Variants in SAMD12 observed in about 807,000 individuals in gnomAD.
SAMD12 encodes the protein sterile alpha motif domain-containing protein 12.
SAMD12 carries 9 observed loss-of-function variants against 15.0 expected under a neutral mutation model. That is an observed-to-expected ratio of 0.60 (90% CI 0.36 to 1.05). The LOEUF (loss-of-function observed/expected upper bound fraction) is 1.05. Among genes scored for constraint, SAMD12 ranks in the 50% least tolerant of loss-of-function variants. SAMD12 has a pLI of 0.01. For synonymous variants in SAMD12, 86 were observed against 90.1 expected (o/e 0.96, Z 0.25); for missense variants, 230 against 234.2 (o/e 0.98, Z 0.12).
At chr8:118,269,693 A>G (rs1172746186) in intron 4 of SAMD12, among the ~76,000 whole-genome samples, 1 of 152,160 alleles carries the variant, frequency 6.6e-6, no homozygotes, top group Non-Finnish European at 1.5e-5. Flanking sequence ...GTTTTATTCA[A>G]TCAGGTTTTT....
intron 2 of SAMD12, among the ~76,000 whole-genome samples, chr8:118,561,650 A>C (rs1826704378): frequency 6.6e-6 from 1 of 152,322 alleles, no homozygotes; most frequent in Non-Finnish European, 1.5e-5. Flanking sequence ...ATTCACTATC[A>C]CAAGAACAGC....
At chr8:118,341,521 T>C (rs193054427) in intron 4 of SAMD12, among the ~76,000 whole-genome samples, 12 of 152,332 alleles carry the variant, frequency 7.9e-5, no homozygotes, top group Admixed American at 7.8e-4. Context: ...CTGGGTAGTT[T>C]ATAAACCACA....
At chr8:118,364,522 T>C (rs981746455) in intron 4 of SAMD12, among the ~76,000 whole-genome samples, 2 of 152,142 alleles carry the variant, frequency 1.3e-5, no homozygotes, top group Admixed American at 1.3e-4. Context: ...AGATACTCCC[T>C]TGTGCTCTGA....
chr8:118,337,837 T>C (rs1277930716), intron 4 of SAMD12, among the ~76,000 whole-genome samples: 3 of 152,152 alleles, frequency 2.0e-5, no homozygotes, highest in Non-Finnish European at 4.4e-5. Flanking sequence ...TTAAGTGAAA[T>C]AGTGAAAGTT....
chr8:118,495,367 A>G (rs1012437865), intron 2 of SAMD12, among the ~76,000 whole-genome samples: 1 of 152,148 alleles, frequency 6.6e-6, no homozygotes, highest in Admixed American at 6.6e-5. Flanking sequence ...CTCCCAGTCT[A>G]AAAAACAGTT....
chr8:118,184,726 A>G (rs555259086), downstream of SAMD12, among the ~76,000 whole-genome samples: 10 of 152,138 alleles, frequency 6.6e-5, 1 homozygote, highest in African/African-American at 2.4e-4. Context: ...TGAACTCCTG[A>G]CCTCAGGTGA....
chr8:118,330,561 G>T (rs1393492755), intron 4 of SAMD12, among the ~76,000 whole-genome samples: 1 of 152,134 alleles, frequency 6.6e-6, no homozygotes, highest in East Asian at 1.9e-4. Flanking sequence ...GGAAGAGACT[G>T]ATCACAAGAG....
chr8:118,298,244 G>A (rs1334359896), intron 4 of SAMD12, among the ~76,000 whole-genome samples: 1 of 152,134 alleles, frequency 6.6e-6, no homozygotes, highest in Non-Finnish European at 1.5e-5. Context: ...GCTCAAAAAT[G>A]CACTTCTTAT....
chr8:118,312,301 C>G (rs1380676061), intron 4 of SAMD12, among the ~76,000 whole-genome samples: 2 of 152,156 alleles, frequency 1.3e-5, no homozygotes, highest in African/African-American at 4.8e-5. Flanking sequence ...GACTGCTGCT[C>G]TACACTATGC....
intron 2 of SAMD12, among the ~76,000 whole-genome samples, chr8:118,482,318 T>C (rs554855739): frequency 2.0e-5 from 3 of 152,328 alleles, no homozygotes; most frequent in South Asian, 4.1e-4. Flanking sequence ...AAAATCATCT[T>C]AACTTGTCCC....
At chr8:118,583,015 A>G (rs573188976) in intron 1 of SAMD12, among the ~76,000 whole-genome samples, 3 of 152,236 alleles carry the variant, frequency 2.0e-5, no homozygotes, top group African/African-American at 7.2e-5. Context: ...TTGAAGCAGA[A>G]AGGGCTTGGT....
intron 3 of SAMD12, among the ~76,000 whole-genome samples, chr8:118,412,927 A>T (rs1052628109): frequency 1.4e-4 from 21 of 152,148 alleles, no homozygotes; most frequent in African/African-American, 4.8e-4. Flanking sequence ...GCTTTGGCCA[A>T]TGGAATGCTA....
At chr8:118,459,625 G>T (rs183221028) in intron 2 of SAMD12, among the ~76,000 whole-genome samples, 1 of 152,226 alleles carries the variant, frequency 6.6e-6, no homozygotes, top group East Asian at 1.9e-4. Flanking sequence ...TTTGGGGTCA[G>T]GTACATGCAA....
chr8:118,410,866 T>C (rs929103351), intron 3 of SAMD12, among the ~76,000 whole-genome samples: 1 of 152,168 alleles, frequency 6.6e-6, no homozygotes, highest in African/African-American at 2.4e-5. Flanking sequence ...ATAAATAACT[T>C]TGACAGAATT....
At chr8:118,476,358 A>G (rs112613037) in intron 2 of SAMD12, among the ~76,000 whole-genome samples, 3,354 of 152,294 alleles carry the variant, frequency 0.022, 116 homozygotes, top group African/African-American at 0.077. Context: ...TGTGGGCAGC[A>G]TCTGGGTTTT....
intron 4 of SAMD12, among the ~76,000 whole-genome samples, chr8:118,264,387 G>A (rs1813152225): frequency 6.6e-6 from 1 of 152,114 alleles, no homozygotes; most frequent in Non-Finnish European, 1.5e-5. Context: ...AGGTACTGGA[G>A]TAGTGTTTTT....
intron 4 of SAMD12, among the ~76,000 whole-genome samples, chr8:118,320,361 G>T (rs1470243889): frequency 6.6e-6 from 1 of 151,984 alleles, no homozygotes; most frequent in Non-Finnish European, 1.5e-5. Context: ...ATATAGAAAG[G>T]GTTAAGGGAA....
intron 2 of SAMD12, among the ~76,000 whole-genome samples, chr8:118,478,674 T>G (rs1295667991): frequency 6.6e-6 from 1 of 152,212 alleles, no homozygotes; most frequent in East Asian, 1.9e-4. Context: ...GACTCTCTGC[T>G]ATTCACCACC....
the SAMD12 span, among the ~76,000 whole-genome samples, chr8:118,180,924 C>G: frequency 1.3e-5 from 2 of 152,154 alleles, no homozygotes; most frequent in Admixed American, 1.3e-4. Flanking sequence ...CTAGAGCCTC[C>G]GCTGTCAGCC....
Sources: gnomAD v4.1 joint callset for allele counts (sites outside exome capture counted in the v4.1 genomes callset) on GRCh38, gnomAD v4.1.1 for gene constraint, MANE v1.5 for transcripts, NCBI Gene and HGNC (gene_info 2026-07-23, HGNC 2026-07-21) for gene names.